The following FGD5 variants were observed in gnomAD, a reference collection of about 807,000 sequenced individuals.
The protein encoded by FGD5 is FYVE, RhoGEF and PH domain-containing protein 5.
FGD5 carries 28 observed loss-of-function variants against 133.4 expected under a neutral mutation model. The ratio of observed to expected loss-of-function variants is 0.21; its 90% CI spans 0.16 to 0.29. The LOEUF (loss-of-function observed/expected upper bound fraction) is 0.29, where lower values mean the gene tolerates loss of function less well. Ranked by LOEUF, FGD5 falls within the 10% of genes least tolerant of loss-of-function variation. FGD5 has a pLI of 1.00. For synonymous variants in FGD5, 810 were observed against 776.5 expected (o/e 1.04, Z -0.72); for missense variants, 1,858 against 1,895.2 (o/e 0.98, Z 0.36).
chr3:14,844,218 A>T (rs1277046008), intron 1 of FGD5, among the ~76,000 whole-genome samples: 1 of 21,686 alleles, frequency 4.6e-5, no homozygotes, highest in African/African-American at 1.4e-4. Flanking sequence ...AAAAAAAAAA[A>T]TATATATATA....
intron 1 of FGD5, among the ~76,000 whole-genome samples, chr3:14,832,854 A>G (rs2036742847): frequency 6.6e-6 from 1 of 152,198 alleles, no homozygotes; most frequent in African/African-American, 2.4e-5. Context: ...TCACATGGCC[A>G]GGGAATGATG....
At position 14,819,894 on chromosome 3, in the gene FGD5, C is replaced by A. The variant is rs201233557; in HGVS notation, c.823C>A (p.Leu275Ile). The change falls in exon 1 of 20, where the codon CTT (leucine) becomes ATT (isoleucine). Residue 275 changes from leucine (L) to isoleucine (I), a missense_variant. Leu to Ile is a conservative substitution (Grantham distance 5). Transcript: ENST00000285046. The surrounding 1 kb of genome is among the most constrained non-coding windows in gnomAD (Gnocchi z 4.1). ...AETATDCPEV[L>I]EEGCEEATGV... ...GACAGCCACAGACTGCCCTGAAGTT[C>A]TTGAGGAGGGATGTGAAGAGGCCAC... 54 of 1,613,794 alleles carry A rather than the reference C, an allele frequency of 3.3e-5. No homozygotes were observed. The African/African-American group carries it at 6.4e-4, about 19-fold the overall frequency.
Position 14,923,005 on chromosome 3 carries a change from T to C in FGD5, c.3808-41T>C, listed in dbSNP as rs551695151. The stretch of plus-strand genomic sequence containing the variant: ...GGGAGGGGTGCAGGTCTCCTTTGCA[T>C]GCACTGAGAGGGGTGAGAATCTTCC... On this transcript the variant is annotated intron_variant, in intron 15 of 19. Transcript: ENST00000285046. The C allele has an allele frequency of 3.1e-6, 5 of 1,612,958 alleles. No individual in the cohort carries two copies. In the South Asian group the frequency reaches 3.3e-5, roughly 11 times the overall value.
At chr3:14,853,131 G>T (rs754230740) in intron 1 of FGD5, among the ~76,000 whole-genome samples, 3 of 152,108 alleles carry the variant, frequency 2.0e-5, no homozygotes, top group Non-Finnish European at 4.4e-5. Flanking sequence ...GTCTTCCGTG[G>T]TCCCAGTTAC....
chr3:14,922,682 C>G lies in FGD5; in HGVS notation c.3807+134C>G. On this transcript the variant is annotated intron_variant, in intron 15 of 19. Transcript: ENST00000285046. The surrounding 1 kb of genome is among the most constrained non-coding windows in gnomAD (Gnocchi z 4.1). ...AGAGTGAGGCATGTTCACACCAACC[C>G]GAGAGGAACAGATTGCTAATTCCCA... 4 of 1,240,512 alleles carry G rather than the reference C, an allele frequency of 3.2e-6. No individual in the cohort carries two copies. The highest frequency in any genetic ancestry group is 4.4e-6 in the Non-Finnish European group (4 of 907,966). The allele number at this position is 1,240,512 out of a possible 1,614,324, so 76.8% of individuals were successfully genotyped here. A position where few individuals can be genotyped will look rare whatever the true frequency, so the allele number is the denominator to read the frequency against.
At chr3:14,882,152 AC>A (rs2037836933) in intron 4 of FGD5, 1 of 267,466 alleles carries the variant, frequency 3.7e-6, no homozygotes, top group African/African-American at 2.3e-5. Context: ...CAGCTTTTAT[AC>A]CTAAAAGATC....
chr3:14,864,008 T>C, intron 1 of FGD5, 120 bp from the exon 2 acceptor site: 2 of 1,419,974 alleles, frequency 1.4e-6, no homozygotes, highest in South Asian at 2.8e-5. Context: ...AGTAGGAATT[T>C]TGTGCCTGAG....
chr3:14,895,614 C>T (rs1245893442), intron 4 of FGD5, among the ~76,000 whole-genome samples: 1 of 152,068 alleles, frequency 6.6e-6, no homozygotes, highest in Non-Finnish European at 1.5e-5. Context: ...TGCTCTGTCA[C>T]CCAGGCTGGA....
At chr3:14,816,840 T>A (rs1345615205), upstream of FGD5, among the ~76,000 whole-genome samples, 1 of 152,118 alleles carries the variant, frequency 6.6e-6, no homozygotes, top group Non-Finnish European at 1.5e-5. Context: ...TGGTGTGGAT[T>A]AGGGGTCTGA....
At chr3:14,839,796 G>C (rs2036883676) in intron 1 of FGD5, among the ~76,000 whole-genome samples, 1 of 152,088 alleles carries the variant, frequency 6.6e-6, no homozygotes, top group East Asian at 1.9e-4. Context: ...AGCTGGGCGT[G>C]GTGGTGGGCA....
At position 14,821,382 on chromosome 3, in the gene FGD5, A is replaced by G. The variant is rs758102680; in HGVS notation, c.2311A>G (p.Thr771Ala). The change falls in exon 1 of 20, where the codon ACT becomes GCT. Residue 771 changes from threonine (T) to alanine (A), a missense_variant. This residue lies in a region of FGD5 where 1,824 missense variants were observed against 1,848.9 expected (regional missense o/e 0.99). Transcript: ENST00000285046. Reference protein sequence around the residue: ...PRSISFPSADTSDYENIPAMN... With the variant: ...PRSISFPSADASDYENIPAMN... ...GTCCATCTCCTTCCCCAGCGCTGAC[A>G]CTTCAGACTATGAGAACATTCCAGC... 1.2e-6 allele frequency: 2 copies of G among 1,613,892 alleles called. No homozygotes were observed. The highest frequency in any genetic ancestry group is 8.5e-7 in the Non-Finnish European group (1 of 1,179,866).
chr3:14,908,312 T>G (rs1345735108), intron 10 of FGD5, among the ~76,000 whole-genome samples: 21 of 152,216 alleles, frequency 1.4e-4, no homozygotes, highest in Admixed American at 1.4e-3. Flanking sequence ...AAATTGTTTC[T>G]TAAACATCTA....
chr3:14,918,471 C>T (rs1215479097), intron 12 of FGD5, among the ~76,000 whole-genome samples: 1 of 152,254 alleles, frequency 6.6e-6, no homozygotes, highest in Non-Finnish European at 1.5e-5. Context: ...GACGTGGTCA[C>T]TGGCAGGTAC....
rs78481903 is a variant in FGD5 at position 14,880,484 on chromosome 3, T to C, written c.2659-88T>C. 6.6e-3 allele frequency: 8,469 copies of C among 1,274,134 alleles called. 336 individuals are homozygous for C. The African/African-American group carries it at 0.09, about 14-fold the overall frequency. The allele number at this position is 1,274,134 out of a possible 1,614,324, so 78.9% of individuals were successfully genotyped here. On this transcript the variant is annotated intron_variant, in intron 2 of 19. Coordinates refer to ENST00000285046, the MANE Select transcript of FGD5 (RefSeq NM_152536.4). ...GAGTGCCAGGAAATGGTCTGCAAAA[T>C]GCTTGGAACTTGCCTCCAGCAGCAT...
chr3:14,920,697 C>T (rs574473042), intron 13 of FGD5, among the ~76,000 whole-genome samples: 68 of 152,284 alleles, frequency 4.5e-4, no homozygotes, highest in African/African-American at 1.3e-3. Flanking sequence ...CCCCAGACGC[C>T]GCCGTGATCC....
At chr3:14,868,390 A>T (rs1023652939) in intron 2 of FGD5, among the ~76,000 whole-genome samples, 22 of 152,058 alleles carry the variant, frequency 1.4e-4, no homozygotes, top group Admixed American at 6.5e-5. Flanking sequence ...AGCAGGGCCC[A>T]CATGCCCAGA....
At position 14,922,429 on chromosome 3, in the gene FGD5, G is replaced by T. The variant is rs1458715932; in HGVS notation, c.3688G>T (p.Val1230Phe). The T allele has an allele frequency of 1.3e-6, 2 of 1,568,718 alleles. No individual in the cohort carries two copies. Among genetic ancestry groups the T allele is most frequent in the Admixed American group, 3.8e-5 (2 of 53,322 alleles). The change falls in exon 15 of 20, where the codon GTT becomes TTT. Residue 1230 changes from valine to phenylalanine, a missense_variant. By Grantham distance (50) the Val-to-Phe change is conservative. Coordinates refer to ENST00000285046, the MANE Select transcript of FGD5 (RefSeq NM_152536.4). This position sits in a 1 kb window ranked among gnomAD's most constrained non-coding sequence, Gnocchi z 4.1. The stretch of plus-strand genomic sequence containing the variant: ...GCTGCAGATACGAGAGAGGCTGGGG[G>T]TTAGCCTTGGGGAGAGGCCCCCCAC... ...HSVEIRERLG[V>F]SLGERPPTLV...
At chr3:14,932,276 T>G (rs2038912074) in intron 18 of FGD5, 1 of 210,306 alleles carries the variant, frequency 4.8e-6, no homozygotes, top group Non-Finnish European at 9.4e-6. Flanking sequence ...AGAGATGGGA[T>G]TTCACCATGT....
chr3:14,921,889 C>T (rs2038687219), intron 13 of FGD5, 29 bp from the exon 14 acceptor site: 2 of 1,551,596 alleles, frequency 1.3e-6, no homozygotes, highest in Non-Finnish European at 8.7e-7. Context: ...GCTGCTCCTG[C>T]CTTTGCTCAC....
Sources: gnomAD v4.1 joint callset for allele counts (sites outside exome capture counted in the v4.1 genomes callset) on GRCh38, gnomAD v4.1.1 for gene constraint, gnomAD v4.1.1 regional missense constraint, Gnocchi (gnomAD v3.1) non-coding constraint, MANE v1.5 for transcripts, NCBI Gene and HGNC (gene_info 2026-07-23, HGNC 2026-07-21) for gene names.